The following LRRD1 variants were observed in gnomAD, a reference collection of about 807,000 sequenced individuals.
The protein encoded by LRRD1 is leucine-rich repeat and death domain-containing protein 1.
Under a neutral mutation model 69.5 loss-of-function variants are expected in LRRD1, and 49 were observed. The ratio of observed to expected loss-of-function variants is 0.70; its 90% CI spans 0.56 to 0.89. The LOEUF (loss-of-function observed/expected upper bound fraction) is 0.89, where lower values mean the gene tolerates loss of function less well. LRRD1 is among the 40% of genes least tolerant of loss of function. The probability of loss-of-function intolerance (pLI) is 0.00; values close to 1 mark genes in which losing one functional copy is unlikely to be tolerated. For missense variants in LRRD1, 853 were observed against 956.0 expected (o/e 0.89, Z 1.42); for synonymous variants, 303 against 338.9 (o/e 0.89, Z 1.16).
At chr7:92,149,867 G>A in intron 4 of LRRD1, 1 of 454,030 alleles carries the variant, frequency 2.2e-6, no homozygotes, top group Non-Finnish European at 4.4e-6. Context: ...ATGTCTTTTA[G>A]AACAACTACA....
intron 2 of LRRD1, among the ~76,000 whole-genome samples, chr7:92,159,633 T>G (rs1788755623): frequency 6.7e-6 from 1 of 149,366 alleles, no homozygotes; most frequent in African/African-American, 2.5e-5. Flanking sequence ...TTTTTTTTTT[T>G]TTTTTGAGAC....
intron 3 of LRRD1, among the ~76,000 whole-genome samples, chr7:92,158,098 C>A (rs533509744): frequency 1.3e-5 from 2 of 152,238 alleles, no homozygotes; most frequent in South Asian, 4.2e-4. Context: ...CCTGTTACCC[C>A]CTTGTGTAGT....
intron 2 of LRRD1, among the ~76,000 whole-genome samples, chr7:92,161,286 A>G (rs1424595884): frequency 6.6e-6 from 1 of 152,266 alleles, no homozygotes; most frequent in Non-Finnish European, 1.5e-5. Flanking sequence ...GGGGGTTATC[A>G]AGTGATATTT....
At chr7:92,143,223 G>A (rs555703897), downstream of LRRD1, among the ~76,000 whole-genome samples, 40 of 152,218 alleles carry the variant, frequency 2.6e-4, no homozygotes, top group African/African-American at 8.4e-4. Flanking sequence ...ACAGAGTGCC[G>A]ATTGGTGTAT....
rs532583259 is a variant in LRRD1, at chr7:92,179,131, C to G, written c.-199G>C. ...GCACTGACGCCTCTCCGGGCCGTGGCTCCTCTTTCCCAGGCCGAAAGCGGC... is the reference window on the plus strand; with the variant it reads ...GCACTGACGCCTCTCCGGGCCGTGGGTCCTCTTTCCCAGGCCGAAAGCGGC... On this transcript the variant is annotated 5_prime_UTR_variant, in exon 1 of 6. Coordinates refer to ENST00000458448, the MANE Select transcript of LRRD1 (RefSeq NM_001161528.2). 6.6e-6 allele frequency: 1 copy of G among 152,466 alleles called. No individual in the cohort carries two copies. Among genetic ancestry groups the G allele is most frequent in the African/African-American group, 2.4e-5 (1 of 41,594 alleles). 9.4% of individuals were successfully genotyped at this position (152,466 alleles called of 1,614,324 possible). A position where few individuals can be genotyped will look rare whatever the true frequency, so the allele number is the denominator to read the frequency against.
chr7:92,146,085 C>T lies in LRRD1; in HGVS notation c.2394G>A (p.Lys798=), dbSNP rs1209499055. The T allele has an allele frequency of 4.0e-6, 6 of 1,490,922 alleles. No homozygotes were observed. In the East Asian group the frequency reaches 1.5e-4, roughly 37 times the overall value. The allele number at this position is 1,490,922 out of a possible 1,614,324, so 92.4% of individuals were successfully genotyped here. ...TAAATGCTGTCATTTATACATACCT[C>T]TTTGTAGGCATATCAGTTTCTGAGT... ...LANSETDMPT[K]STVSLSERAH... Residue 798 remains lysine (K), a splice_region_variant and synonymous_variant, in exon 5 of 6, where the codon AAG becomes AAA. Coordinates refer to ENST00000458448, the MANE Select transcript of LRRD1 (RefSeq NM_001161528.2).
intron 1 of LRRD1, among the ~76,000 whole-genome samples, chr7:92,173,125 G>C (rs921674407): frequency 1.3e-5 from 2 of 152,146 alleles, no homozygotes; most frequent in Non-Finnish European, 2.9e-5. Flanking sequence ...ATGGTGCTGA[G>C]AAAACTGGAT....
chr7:92,156,483 CTA>C (rs1323340485), intron 3 of LRRD1, among the ~76,000 whole-genome samples: 1 of 152,234 alleles, frequency 6.6e-6, no homozygotes, highest in East Asian at 1.9e-4. Flanking sequence ...TTAGTTTTAT[CTA>C]TGTTACAGTT....
chr7:92,143,422 CG>C (rs1820223009), downstream of LRRD1, among the ~76,000 whole-genome samples: 3 of 150,874 alleles, frequency 2.0e-5, no homozygotes, highest in Non-Finnish European at 3.0e-5. Flanking sequence ...GAACCGGGGG[CG>C]GCACTCGTCG....
At chr7:92,145,498 AGCAC>A (rs1820299319) in intron 5 of LRRD1, among the ~76,000 whole-genome samples, 1 of 140,300 alleles carries the variant, frequency 7.1e-6, no homozygotes, top group South Asian at 2.2e-4. Flanking sequence ...GGAGTGCAGT[AGCAC>A]GATCTCAACT....
In LRRD1 at chr7:92,166,729, C is replaced by T. The variant is rs577592920; in HGVS notation, c.-74-1453G>A. 2.6e-4 allele frequency among the ~76,000 whole-genome samples: 40 copies of T among 152,080 alleles called. 2 individuals carry two copies. Among genetic ancestry groups the T allele is most frequent in the South Asian group, 1.5e-3 (7 of 4,824 alleles). On this transcript the variant is annotated intron_variant, in intron 1 of 5. Coordinates refer to ENST00000458448, the MANE Select transcript of LRRD1 (RefSeq NM_001161528.2). ...AGATGTAGAAGTACTTGATAAGTTGCAACATTTTTCATAATTTACAAAGTA... is the reference window on the plus strand; with the variant it reads ...AGATGTAGAAGTACTTGATAAGTTGTAACATTTTTCATAATTTACAAAGTA...
chr7:92,146,269 T>C, intron 4 of LRRD1, 69 bp from the exon 5 acceptor site: 2 of 750,276 alleles, frequency 2.7e-6, no homozygotes, highest in Non-Finnish European at 4.2e-6. Context: ...TCATATTATA[T>C]CTAGTTTTCT....
Position 92,169,644 on chromosome 7 carries a change from C to T in LRRD1, c.-74-4368G>A, listed in dbSNP as rs563108728. ...CAGCTTGGGCGACAGAGAGAGATTT[C>T]GTCTCAAAAAAAGAAATTTTGGAAC... On this transcript the variant is annotated intron_variant, in intron 1 of 5. Transcript: ENST00000458448. Among the ~76,000 whole-genome samples, 7 of 151,800 alleles carry T rather than the reference C, an allele frequency of 4.6e-5. No individual in the cohort carries two copies. In the South Asian group the frequency reaches 1.0e-3, roughly 23 times the overall value.
At chr7:92,170,222 A>G (rs1789023043) in intron 1 of LRRD1, among the ~76,000 whole-genome samples, 1 of 152,138 alleles carries the variant, frequency 6.6e-6, no homozygotes, top group African/African-American at 2.4e-5. Context: ...ATAAAAAGCA[A>G]TGAAGATCAC....
intron 3 of LRRD1, among the ~76,000 whole-genome samples, chr7:92,154,489 C>G (rs1457023893): frequency 6.6e-6 from 1 of 152,128 alleles, no homozygotes; most frequent in African/African-American, 2.4e-5. Flanking sequence ...AAGCAATCCT[C>G]ACATCTCAGC....
intron 2 of LRRD1, among the ~76,000 whole-genome samples, chr7:92,163,028 A>C (rs1788822303): frequency 1.3e-5 from 2 of 152,226 alleles, no homozygotes; most frequent in South Asian, 4.1e-4. Context: ...ACACCAAAAT[A>C]AAAAGGAATC....
chr7:92,154,420 T>C (rs1478138394), intron 3 of LRRD1, among the ~76,000 whole-genome samples: 1 of 151,982 alleles, frequency 6.6e-6, no homozygotes. Context: ...TTTTGTATTT[T>C]GTTTGTAGAG....
intron 3 of LRRD1, among the ~76,000 whole-genome samples, chr7:92,156,458 C>G (rs1458112963): frequency 6.6e-6 from 1 of 152,134 alleles, no homozygotes; most frequent in East Asian, 1.9e-4. Flanking sequence ...TATCTCTCTA[C>G]TTATTTAGGT....
rs1236562335 is a variant in LRRD1, at chr7:92,163,801, T to A, written c.1402A>T (p.Lys468Ter). ...ATTTTGTTATAACTCAATTCAATTT[T>A]AATTATTTTTTGGCAGTTTTTTATT... ...IEIKNCQKII[K>*]IELSYNKIMY... The change falls in exon 2 of 6, where the codon AAA (lysine) becomes TAA (stop). Residue 468 changes from lysine (K) to a stop codon, truncating the protein, a stop_gained. Coordinates refer to ENST00000458448, the MANE Select transcript of LRRD1 (RefSeq NM_001161528.2). LOFTEE classifies it high-confidence loss of function. 1.3e-6 allele frequency: 2 copies of A among 1,500,596 alleles called. No individual in the cohort carries two copies. The highest frequency in any genetic ancestry group is 1.8e-6 in the Non-Finnish European group (2 of 1,129,418). The allele number at this position is 1,500,596 out of a possible 1,614,324, so 93.0% of individuals were successfully genotyped here. A position where few individuals can be genotyped will look rare whatever the true frequency, so the allele number is the denominator to read the frequency against.
Sources: gnomAD v4.1 joint callset for allele counts (sites outside exome capture counted in the v4.1 genomes callset) on GRCh38, gnomAD v4.1.1 for gene constraint, MANE v1.5 for transcripts, NCBI Gene and HGNC (gene_info 2026-07-23, HGNC 2026-07-21) for gene names.